EIF5A2: variants seen among roughly 807,000 people sequenced by gnomAD.
EIF5A2 encodes the protein eukaryotic translation initiation factor 5A2.
A neutral mutation model predicts 16.4 loss-of-function variants in EIF5A2; 15 were observed. The observed-to-expected ratio is 0.92, with a 90% confidence interval of 0.61 to 1.41. EIF5A2 has a LOEUF of 1.41. EIF5A2 is among the 40% of genes most tolerant of loss of function. The pLI is 0.00. For synonymous variants in EIF5A2, 48 were observed against 61.1 expected, an observed-to-expected ratio of 0.79 and a Z score of 1.00; for missense variants, 144 against 189.5, an observed-to-expected ratio of 0.76 and a Z score of 1.41.
chr3:170,906,957 C>G (rs775337125), intron 3 of EIF5A2, 32 bp downstream of exon 3: 1 of 1,454,764 alleles, frequency 6.9e-7, no homozygotes, highest in East Asian at 2.3e-5. Context: ...CTTGAAGAAA[C>G]AAGCAACATT....
chr3:170,896,480 C>T (rs897382165), intron 3 of EIF5A2, among the ~76,000 whole-genome samples: 7 of 152,170 alleles, frequency 4.6e-5, no homozygotes, highest in South Asian at 4.2e-4. Flanking sequence ...GGTCAGTCTC[C>T]GCAATGCTGT....
chr3:170,900,608 A>C (rs1030262897), intron 3 of EIF5A2, among the ~76,000 whole-genome samples: 1 of 152,180 alleles, frequency 6.6e-6, no homozygotes, highest in African/African-American at 2.4e-5. Flanking sequence ...AGAATAAATA[A>C]GGACACTAAC....
At chr3:170,906,205 T>C (rs893441545) in intron 3 of EIF5A2, among the ~76,000 whole-genome samples, 4 of 152,194 alleles carry the variant, frequency 2.6e-5, no homozygotes, top group Non-Finnish European at 5.9e-5. Context: ...GTTTGATATA[T>C]GGTATGCTTG....
Position 170,893,196 on chromosome 3 carries a change from TA to T in EIF5A2, c.*163del. ...AAAATTATACATATTGATAATTTTT[TA>T]AAAATTATCAATTGCTTGCAAAACT... On this transcript the variant is annotated 3_prime_UTR_variant, in exon 5 of 5. Coordinates refer to ENST00000295822, the MANE Select transcript of EIF5A2 (RefSeq NM_020390.6). The T allele has an allele frequency of 1.9e-6, 1 of 526,840 alleles. No individual in the cohort carries two copies. Among genetic ancestry groups the T allele is most frequent in the Non-Finnish European group, 3.1e-6 (1 of 322,792 alleles). The allele number at this position is 526,840 out of a possible 1,614,324, so 32.6% of individuals were successfully genotyped here.
At chr3:170,895,633 A>T (rs1712651275) in intron 3 of EIF5A2, among the ~76,000 whole-genome samples, 1 of 152,168 alleles carries the variant, frequency 6.6e-6, no homozygotes, top group Admixed American at 6.5e-5. Flanking sequence ...CACATACACC[A>T]TCTACCAAAA....
chr3:170,895,839 A>T (rs1243786859), intron 3 of EIF5A2, among the ~76,000 whole-genome samples: 2 of 152,152 alleles, frequency 1.3e-5, no homozygotes, highest in Non-Finnish European at 2.9e-5. Context: ...GTAACTTTTT[A>T]AAAAATATAT....
Position 170,890,313 on chromosome 3 carries a change from G to T in EIF5A2, c.*3047C>A, listed in dbSNP as rs894582634. On this transcript the variant is annotated 3_prime_UTR_variant, in exon 5 of 5. Coordinates refer to ENST00000295822, the MANE Select transcript of EIF5A2 (RefSeq NM_020390.6). ...AAATTGCATTGTAATGAAAAATTGT[G>T]TCTCCAAATTTTACAGCCTAATCAT... is the stretch of plus-strand genomic sequence containing the variant. 1 of 152,080 alleles carries T rather than the reference G, an allele frequency of 6.6e-6. No individual in the cohort carries two copies. The highest frequency in any genetic ancestry group is 1.5e-5 in the Non-Finnish European group (1 of 67,974). The allele number at this position is 152,080 out of a possible 1,614,324, so 9.4% of individuals were successfully genotyped here.
At chr3:170,897,749 TCC>T (rs1230768904) in intron 3 of EIF5A2, among the ~76,000 whole-genome samples, 2 of 152,112 alleles carry the variant, frequency 1.3e-5, no homozygotes, top group Non-Finnish European at 2.9e-5. Context: ...TCAGGTTAGA[TCC>T]CCCACACAGA....
rs1437925920 is a variant in EIF5A2 at position 170,898,717 on chromosome 3, AATCTT to A, written c.271-4299_271-4295del. Among the ~76,000 whole-genome samples the A allele has an allele frequency of 5.9e-5, 9 of 152,300 alleles. No individual in the cohort carries two copies. The East Asian group carries it at 1.7e-3, about 29-fold the overall frequency. ...TTTTAAATTGAATTATTTATTAAAA[AATCTT>A]AAGTTCTATAGAAAAGTTGCAATAA... On this transcript the variant is annotated intron_variant, in intron 3 of 4. Coordinates refer to ENST00000295822, the MANE Select transcript of EIF5A2 (RefSeq NM_020390.6).
intron 3 of EIF5A2, among the ~76,000 whole-genome samples, chr3:170,905,890 G>C (rs1365498960): frequency 2.6e-5 from 4 of 151,874 alleles, no homozygotes; most frequent in Non-Finnish European, 5.9e-5. Flanking sequence ...GATCTACCTG[G>C]TTAAAAAAAC....
At position 170,907,798 on chromosome 3, in the gene EIF5A2, G is replaced by A; in HGVS notation, c.9C>T (p.Asp3=). The A allele has an allele frequency of 1.9e-6, 3 of 1,544,792 alleles. No individual in the cohort carries two copies. The South Asian group carries it at 3.6e-5, about 18-fold the overall frequency. Residue 3 remains aspartate, a synonymous_variant, in exon 2 of 5, where the codon GAC becomes GAT. Transcript: ENST00000295822. MA[D]EIDFTTGDAG... The stretch of plus-strand genomic sequence containing the variant: ...CATCTCCAGTAGTGAAATCAATTTC[G>A]TCTGCCATGGTGGGCAGGGGAGATG...
chr3:170,907,281 CACG>C (rs1232223102), intron 2 of EIF5A2, among the ~76,000 whole-genome samples, 188 bp from the exon 3 acceptor site: 1 of 152,226 alleles, frequency 6.6e-6, no homozygotes, highest in East Asian at 1.9e-4. Context: ...TAAACAGTAT[CACG>C]ACATGTCAAG....
chr3:170,906,968 C>A, intron 3 of EIF5A2, 21 bp downstream of exon 3: 1 of 1,505,926 alleles, frequency 6.6e-7, no homozygotes, highest in South Asian at 1.2e-5. Context: ...AAGCAACATT[C>A]TAAAGAAAAT....
At chr3:170,907,155 C>A (rs1712956046) in intron 2 of EIF5A2, 62 bp from the exon 3 acceptor site, 2 of 1,060,134 alleles carry the variant, frequency 1.9e-6, no homozygotes, top group South Asian at 1.4e-5. Flanking sequence ...ATTACACACA[C>A]AAGAGCACAA....
At chr3:170,895,025 C>CAA (rs748111786) in intron 3 of EIF5A2, among the ~76,000 whole-genome samples, 620 of 58,266 alleles carry the variant, frequency 0.011, 14 homozygotes, top group African/African-American at 0.018. Context: ...GACTCTGTCT[C>CAA]AAAAAAAAAA....
chr3:170,889,319 G>T lies in EIF5A2; in HGVS notation c.*4041C>A, dbSNP rs1236412935. 6.6e-6 allele frequency: 1 copy of T among 152,456 alleles called. No individual in the cohort carries two copies. The highest frequency in any genetic ancestry group is 6.6e-5 in the Admixed American group (1 of 15,256). The allele number at this position is 152,456 out of a possible 1,614,324, so 9.4% of individuals were successfully genotyped here. On this transcript the variant is annotated 3_prime_UTR_variant, in exon 5 of 5. Transcript: ENST00000295822. ...AAATTACATATTGGCTTCAAGCCAT[G>T]TTCCCATAGAACATCTGTGTTTCAT... is the stretch of plus-strand genomic sequence containing the variant.
Position 170,908,594 on chromosome 3 carries a change from A to ACAGCAGCGGCGC in EIF5A2, c.-99_-88dup, listed in dbSNP as rs1365875695. 2 of 152,814 alleles carry ACAGCAGCGGCGC rather than the reference A, an allele frequency of 1.3e-5. No individual in the cohort carries two copies. Among genetic ancestry groups the ACAGCAGCGGCGC allele is most frequent in the East Asian group, 1.9e-4 (1 of 5,194 alleles). 9.5% of individuals were successfully genotyped at this position (152,814 alleles called of 1,614,324 possible). A position where few individuals can be genotyped will look rare whatever the true frequency, so the allele number is the denominator to read the frequency against. The stretch of plus-strand genomic sequence containing the variant: ...GTCTGCGCACCCGCGCTGGTCCCCT[A>ACAGCAGCGGCGC]CAGCAGCGGCGCCGGCAGCGGCGGT... On this transcript the variant is annotated 5_prime_UTR_variant, in exon 1 of 5. Coordinates refer to ENST00000295822, the MANE Select transcript of EIF5A2 (RefSeq NM_020390.6).
At chr3:170,899,657 C>A (rs1181499619) in intron 3 of EIF5A2, among the ~76,000 whole-genome samples, 1 of 151,768 alleles carries the variant, frequency 6.6e-6, no homozygotes, top group East Asian at 1.9e-4. Context: ...CTTTGATATG[C>A]TGACTAAGGT....
At chr3:170,894,722 T>A (rs529990318) in intron 3 of EIF5A2, among the ~76,000 whole-genome samples, 40 of 151,870 alleles carry the variant, frequency 2.6e-4, no homozygotes, top group Non-Finnish European at 4.3e-4. Context: ...TTTGTTTTTT[T>A]TTTTAATCAA....
Sources: gnomAD v4.1 joint callset for allele counts (sites outside exome capture counted in the v4.1 genomes callset) on GRCh38, gnomAD v4.1.1 for gene constraint, MANE v1.5 for transcripts, NCBI Gene and HGNC (gene_info 2026-07-23, HGNC 2026-07-21) for gene names.